The following ZSWIM6 variants were observed in gnomAD, a reference collection of about 807,000 sequenced individuals.
The protein encoded by ZSWIM6 is zinc finger SWIM domain-containing protein 6.
Under a neutral mutation model 113.2 loss-of-function variants are expected in ZSWIM6, and 9 were observed. The observed-to-expected ratio is 0.08, with a 90% CI of 0.05 to 0.14. ZSWIM6 has a LOEUF of 0.14. Among genes scored for constraint, ZSWIM6 ranks in the 10% least tolerant of loss-of-function variants. The pLI is 1.00. For synonymous variants in ZSWIM6, 611 were observed against 606.5 expected (o/e 1.01, Z -0.11); for missense variants, 1,162 against 1,552.2 (o/e 0.75, Z 4.22).
In ZSWIM6 at chr5:61,354,159, C is replaced by T. The variant is rs138865847; in HGVS notation, c.676+21211C>T. Among the ~76,000 whole-genome samples, 329 of 152,270 alleles carry T rather than the reference C, an allele frequency of 2.2e-3. 6 individuals are homozygous for T. The highest frequency in any genetic ancestry group is 0.016 in the Admixed American group (250 of 15,298). ...CTTGTGACCTCATTCCTGCTGCCATCGTACTTATCCCTGCTCAGATTAACT... is the reference window on the plus strand; with the variant it reads ...CTTGTGACCTCATTCCTGCTGCCATTGTACTTATCCCTGCTCAGATTAACT... On this transcript the variant is annotated intron_variant, in intron 1 of 13. Transcript: ENST00000252744.
chr5:61,365,266 C>T (rs528034473), intron 1 of ZSWIM6, among the ~76,000 whole-genome samples: 12 of 151,780 alleles, frequency 7.9e-5, no homozygotes, highest in Admixed American at 1.3e-4. Context: ...GCAGGAGAAT[C>T]AGTTGAACCC....
At chr5:61,531,919 G>C (rs567680478) in intron 9 of ZSWIM6, among the ~76,000 whole-genome samples, 194 bp downstream of exon 9, 1 of 152,254 alleles carries the variant, frequency 6.6e-6, no homozygotes, top group African/African-American at 2.4e-5. Flanking sequence ...GTTTAGATTT[G>C]TATCATTTGA....
intron 7 of ZSWIM6, among the ~76,000 whole-genome samples, chr5:61,529,732 C>T (rs1195515656): frequency 6.6e-6 from 1 of 152,194 alleles, no homozygotes; most frequent in Non-Finnish European, 1.5e-5. Context: ...TTTCCCTATA[C>T]AACATAATTT....
At chr5:61,462,174 T>G (rs1000149400) in intron 1 of ZSWIM6, among the ~76,000 whole-genome samples, 1 of 152,234 alleles carries the variant, frequency 6.6e-6, no homozygotes, top group Non-Finnish European at 1.5e-5. Context: ...TGGTCACTTT[T>G]TCTTCCCAAA....
intron 2 of ZSWIM6, among the ~76,000 whole-genome samples, chr5:61,475,638 A>T (rs757799632): frequency 6.6e-6 from 1 of 152,154 alleles, no homozygotes; most frequent in Non-Finnish European, 1.5e-5. Context: ...GAAATGGACC[A>T]ATTACATGAG....
intron 1 of ZSWIM6, among the ~76,000 whole-genome samples, chr5:61,419,632 T>C (rs867480216): frequency 1.4e-4 from 22 of 152,362 alleles, no homozygotes; most frequent in East Asian, 1.4e-3. Context: ...GTGGCTAATA[T>C]ATTGAACAGC....
chr5:61,339,901 C>T (rs951997004), intron 1 of ZSWIM6, among the ~76,000 whole-genome samples: 1 of 152,114 alleles, frequency 6.6e-6, no homozygotes, highest in African/African-American at 2.4e-5. Flanking sequence ...AACTGTTTCC[C>T]TCTTTAAGTG....
intron 2 of ZSWIM6, among the ~76,000 whole-genome samples, chr5:61,476,393 G>A (rs1186202969): frequency 6.6e-6 from 1 of 152,170 alleles, no homozygotes; most frequent in Non-Finnish European, 1.5e-5. Context: ...CAGATTTAGT[G>A]AAGGTTGTTG....
intron 1 of ZSWIM6, among the ~76,000 whole-genome samples, chr5:61,429,438 G>A (rs1345812834): frequency 6.6e-6 from 1 of 152,194 alleles, no homozygotes; most frequent in Non-Finnish European, 1.5e-5. Context: ...AAATTTAGGG[G>A]AAGGCCTTGG....
chr5:61,343,022 C>T (rs1040275808), intron 1 of ZSWIM6, among the ~76,000 whole-genome samples: 1 of 152,024 alleles, frequency 6.6e-6, no homozygotes, highest in African/African-American at 2.4e-5. Context: ...TAGATCTAAT[C>T]GTATATATGC....
chr5:61,499,652 A>T (rs566715377), intron 4 of ZSWIM6, among the ~76,000 whole-genome samples: 160 of 152,152 alleles, frequency 1.1e-3, no homozygotes, highest in Non-Finnish European at 7.3e-4. Context: ...AGAAAAAAGA[A>T]ACAACTTGAA....
At position 61,501,553 on chromosome 5, in the gene ZSWIM6, C is replaced by T. The variant is rs541134902; in HGVS notation, c.1333+7143C>T. 2.6e-5 allele frequency among the ~76,000 whole-genome samples: 4 copies of T among 152,296 alleles called. No homozygotes were observed. In the East Asian group the frequency reaches 7.7e-4, roughly 29 times the overall value. On this transcript the variant is annotated intron_variant, in intron 4 of 13. Transcript: ENST00000252744. ...ACCAATTGGAAATTCTTAGTAGTAT[C>T]CATTGTCTAAACTGTTTCTGTATAG...
At chr5:61,419,500 C>T (rs1024014730) in intron 1 of ZSWIM6, among the ~76,000 whole-genome samples, 1 of 152,116 alleles carries the variant, frequency 6.6e-6, no homozygotes, top group Non-Finnish European at 1.5e-5. Flanking sequence ...AACTGAGCTG[C>T]CCAGTAAGGC....
chr5:61,438,092 C>T (rs2112143589), intron 1 of ZSWIM6, among the ~76,000 whole-genome samples: 1 of 152,186 alleles, frequency 6.6e-6, no homozygotes, highest in South Asian at 2.1e-4. Flanking sequence ...GCTGGCTTAG[C>T]ATATTATTTC....
rs1446625009 is a variant in ZSWIM6 at position 61,391,188 on chromosome 5, G to A, written c.676+58240G>A. On this transcript the variant is annotated intron_variant, in intron 1 of 13. Transcript: ENST00000252744. ...TGTGCCAACGACTGGTGACCCCTTT[G>A]TAGCCATTGCCCTTGGTCAACCTGA... 1.3e-5 allele frequency: 11 copies of A among 839,670 alleles called. No individual in the cohort carries two copies. The South Asian group carries it at 1.3e-4, about 10-fold the overall frequency. 52.0% of individuals were successfully genotyped at this position (839,670 alleles called of 1,614,324 possible).
chr5:61,414,017 G>A (rs890862084), intron 1 of ZSWIM6, among the ~76,000 whole-genome samples: 14 of 152,112 alleles, frequency 9.2e-5, no homozygotes, highest in African/African-American at 3.1e-4. Context: ...AGAGCAGTAT[G>A]AGGAGAGAGT....
At chr5:61,500,587 C>G (rs1425750701) in intron 4 of ZSWIM6, among the ~76,000 whole-genome samples, 1 of 152,148 alleles carries the variant, frequency 6.6e-6, no homozygotes, top group Non-Finnish European at 1.5e-5. Flanking sequence ...CTACCATAGT[C>G]CGCTGAGCTT....
At chr5:61,391,229 T>C (rs2112092057) in intron 1 of ZSWIM6, 9 of 907,450 alleles carry the variant, frequency 9.9e-6, no homozygotes, top group South Asian at 9.1e-5. Context: ...TCGATCATCT[T>C]GTCCTGCTCA....
At chr5:61,536,985 T>C (rs1749593264) in intron 10 of ZSWIM6, among the ~76,000 whole-genome samples, 1 of 152,236 alleles carries the variant, frequency 6.6e-6, no homozygotes, top group South Asian at 2.1e-4. Context: ...GAAGCTGAAA[T>C]GGAAGCTGTC....
Sources: allele counts gnomAD v4.1 joint callset (sites outside exome capture counted in the v4.1 genomes callset), GRCh38; gene constraint gnomAD v4.1.1; transcripts MANE v1.5; gene names NCBI Gene and HGNC (gene_info 2026-07-23, HGNC 2026-07-21).